CYP4A11: variants seen among roughly 807,000 people sequenced by gnomAD.
CYP4A11 encodes cytochrome P450 family 4 subfamily A member 11.
CYP4A11 carries 52 observed loss-of-function variants against 57.7 expected under a neutral mutation model. That is an observed-to-expected ratio of 0.90 (90% CI 0.72 to 1.14). CYP4A11 has a LOEUF of 1.14. Ranked by LOEUF, CYP4A11 falls within the 50% of genes most tolerant of loss-of-function variation. The pLI, the probability that CYP4A11 is intolerant of heterozygous loss-of-function variation, is 0.00. For synonymous variants in CYP4A11, 228 were observed against 247.1 expected, an observed-to-expected ratio of 0.92 and a Z score of 0.72; for missense variants, 641 against 642.1, an observed-to-expected ratio of 1.00 and a Z score of 0.02.
intron 11 of CYP4A11, 41 bp from the exon 12 acceptor site, chr1:46,930,351 G>A (rs1181876686): frequency 6.3e-7 from 1 of 1,577,916 alleles, no homozygotes; most frequent in Non-Finnish European, 8.6e-7. Context: ...GTGTCCTCAG[G>A]CCCCATTCTG....
rs189415732 is a variant in CYP4A11, at chr1:46,934,900, G to A, written c.790+100C>T. 4.0e-4 allele frequency: 607 copies of A among 1,535,508 alleles called. 2 individuals are homozygous for A. The African/African-American group carries it at 5.3e-3, about 13-fold the overall frequency. On this transcript the variant is annotated intron_variant, in intron 6 of 11. Coordinates refer to ENST00000310638, the MANE Select transcript of CYP4A11 (RefSeq NM_000778.4). ...ATTCCCCAGGCTGAGTGTGTTCTGC[G>A]TTCTGCAGGGTTACTAGGGGCCTTC...
rs763364483 is a variant in CYP4A11 at position 46,934,505 on chromosome 1, T to G, written c.845A>C (p.Lys282Thr). ...AQLQKEGELEKIKRKRHLDFL... is the reference protein window; with the variant it reads ...AQLQKEGELETIKRKRHLDFL... The stretch of plus-strand genomic sequence containing the variant: ...ATCCAAATGCCTCTTCCTCTTGATC[T>G]TCTCCAGCTCCCCCTCCTTCTGTAG... The change falls in exon 7 of 12, where the codon AAG (lysine) becomes ACG (threonine). Residue 282 changes from lysine to threonine, a missense_variant. By Grantham distance (78) the Lys-to-Thr change is moderately conservative. Coordinates refer to ENST00000310638, the MANE Select transcript of CYP4A11 (RefSeq NM_000778.4). The G allele has an allele frequency of 2.5e-6, 4 of 1,613,776 alleles. No homozygotes were observed. In the Admixed American group the frequency reaches 5.0e-5, roughly 20 times the overall value.
At chr1:46,933,380 C>T (rs767072899) in intron 9 of CYP4A11, among the ~76,000 whole-genome samples, 1 of 152,204 alleles carries the variant, frequency 6.6e-6, no homozygotes, top group African/African-American at 2.4e-5. Context: ...AACAACGCTC[C>T]AAGTAAGACA....
intron 9 of CYP4A11, 75 bp from the exon 10 acceptor site, chr1:46,933,122 C>G (rs534221398): frequency 6.3e-7 from 1 of 1,582,770 alleles, no homozygotes; most frequent in East Asian, 2.2e-5. Flanking sequence ...CCAGCAGGCA[C>G]AAAAGAAGGC....
intron 11 of CYP4A11, chr1:46,931,628 TC>T (rs1681034046): frequency 2.5e-5 from 17 of 682,148 alleles, no homozygotes; most frequent in Non-Finnish European, 3.1e-5. Context: ...TCTCCAGTTC[TC>T]TAGTGGCAGC....
Position 46,937,980 on chromosome 1 carries a change from G to A in CYP4A11, c.337+16C>T, listed in dbSNP as rs762579576. On this transcript the variant is annotated intron_variant, in intron 2 of 11. Coordinates refer to ENST00000310638, the MANE Select transcript of CYP4A11 (RefSeq NM_000778.4). ...AGGGAAGACACATTGCAGTTGGGATGGGGGTTCGATCTCACCTGATCTCCC... is the reference window on the plus strand; with the variant it reads ...AGGGAAGACACATTGCAGTTGGGATAGGGGTTCGATCTCACCTGATCTCCC... 2.5e-6 allele frequency: 4 copies of A among 1,613,580 alleles called. No individual in the cohort carries two copies. Among genetic ancestry groups the A allele is most frequent in the East Asian group, 2.2e-5 (1 of 44,876 alleles).
chr1:46,931,581 A>C (rs1681031139), intron 11 of CYP4A11: 1 of 708,340 alleles, frequency 1.4e-6, no homozygotes, highest in African/African-American at 1.9e-5. Flanking sequence ...CTGAGAGTAA[A>C]TATTAATTCT....
Position 46,941,405 on chromosome 1 carries a change from C to T in CYP4A11, c.29G>A (p.Arg10Lys). 1 of 1,614,156 alleles carries T rather than the reference C, an allele frequency of 6.2e-7. No homozygotes were observed. Among genetic ancestry groups the T allele is most frequent in the Non-Finnish European group, 8.5e-7 (1 of 1,180,010 alleles). MSVSVLSPS[R>K]LLGDVSGILQ... Reference sequence around the variant, plus strand: ...GATTCCAGAGACATCACCCAGGAGTCTGCTGGGGCTCAGCACAGAGACACT... The same window carrying T: ...GATTCCAGAGACATCACCCAGGAGTTTGCTGGGGCTCAGCACAGAGACACT... The change falls in exon 1 of 12, where the codon AGA becomes AAA. Residue 10 changes from arginine to lysine, a missense_variant. Arg to Lys is a conservative substitution (Grantham distance 26). Coordinates refer to ENST00000310638, the MANE Select transcript of CYP4A11 (RefSeq NM_000778.4).
Position 46,932,999 on chromosome 1 carries a change from A to G in CYP4A11, c.1271T>C (p.Val424Ala). The change falls in exon 10 of 12, where the codon GTG (valine) becomes GCG (alanine). Residue 424 changes from valine (V) to alanine (A), a missense_variant. Val to Ala is a moderately conservative substitution (Grantham distance 64). Coordinates refer to ENST00000310638, the MANE Select transcript of CYP4A11 (RefSeq NM_000778.4). ...ACCACATACCTCTGGGTTGGGCCAC[A>G]CTTTTGGGTTGTGGTGAAGGCCATA... The part of the protein sequence containing the change: ...SIYGLHHNPK[V>A]WPNPEVFDPF... The G allele has an allele frequency of 1.2e-6, 2 of 1,614,154 alleles. No homozygotes were observed. Among genetic ancestry groups the G allele is most frequent in the Non-Finnish European group, 1.7e-6 (2 of 1,180,026 alleles).
intron 2 of CYP4A11, 51 bp from the exon 3 acceptor site, chr1:46,937,397 A>C (rs745905526): frequency 6.3e-7 from 1 of 1,576,476 alleles, no homozygotes; most frequent in South Asian, 1.1e-5. Flanking sequence ...CTAAGAAGGC[A>C]GTCTTAGAGG....
intron 11 of CYP4A11, 50 bp from the exon 12 acceptor site, chr1:46,930,360 T>C (rs1465349484): frequency 1.3e-6 from 2 of 1,561,724 alleles, no homozygotes; most frequent in African/African-American, 2.7e-5. Flanking sequence ...GGCCCCATTC[T>C]GATCTGAGCA....
intron 9 of CYP4A11, 58 bp downstream of exon 9, chr1:46,933,888 C>A: frequency 3.8e-6 from 6 of 1,596,648 alleles, no homozygotes; most frequent in Non-Finnish European, 5.1e-6. Context: ...ACATGGATTT[C>A]TCACCCTCCA....
rs747413579 is a variant in CYP4A11, at chr1:46,935,167, A to G, written c.636-13T>C. ...GGACTGAGAATTCCTGAGGGAGAGT[A>G]TGAAGAAGGGACTGCAGTAGGGGTG... On this transcript the variant is annotated splice_polypyrimidine_tract_variant and intron_variant, in intron 5 of 11. Transcript: ENST00000310638. 8 of 1,612,116 alleles carry G rather than the reference A, an allele frequency of 5.0e-6. No individual in the cohort carries two copies.
rs28451040 is a variant in CYP4A11, at chr1:46,934,295, G to T, written c.969C>A (p.His323Gln). The change falls in exon 8 of 12, where the codon CAC (histidine) becomes CAA (glutamine). Residue 323 changes from histidine to glutamine, a missense_variant. By Grantham distance (24) the His-to-Gln change is conservative. Coordinates refer to ENST00000310638, the MANE Select transcript of CYP4A11 (RefSeq NM_000778.4). ...AEVDTFMFEGHDTTASGISWI... is the reference protein window; with the variant it reads ...AEVDTFMFEGQDTTASGISWI... ...AGGAGATCCCACTGGCTGTGGTGTC[G>T]TGGCCCTCAAACATGAACGTGTCCA... is the stretch of plus-strand genomic sequence containing the variant. The T allele has an allele frequency of 5.0e-6, 8 of 1,609,242 alleles. No homozygotes were observed. In the African/African-American group the frequency reaches 6.8e-5, roughly 14 times the overall value.
At chr1:46,933,183 C>T (rs1681138549) in intron 9 of CYP4A11, 136 bp from the exon 10 acceptor site, 1 of 1,302,252 alleles carries the variant, frequency 7.7e-7, no homozygotes, top group East Asian at 2.3e-5. Context: ...ATGATTCTGC[C>T]ATTATGCAGG....
chr1:46,936,709 C>G lies in CYP4A11; in HGVS notation c.465G>C (p.Leu155=). The G allele has an allele frequency of 6.2e-7, 1 of 1,613,762 alleles. No individual in the cohort carries two copies. Among genetic ancestry groups the G allele is most frequent in the Non-Finnish European group, 8.5e-7 (1 of 1,179,878 alleles). Residue 155 remains leucine, a synonymous_variant, in exon 4 of 12, where the codon CTG becomes CTC. Coordinates refer to ENST00000310638, the MANE Select transcript of CYP4A11 (RefSeq NM_000778.4). ...MLTPAFHYDI[L]KPYVGLMADS... ...CTGCCATGAGCCCCACATAGGGCTT[C>G]AGGATGTCATAGTGGAAGGCTGGGG... is the stretch of plus-strand genomic sequence containing the variant.
At chr1:46,933,896 C>A (rs373756186) in intron 9 of CYP4A11, 50 bp downstream of exon 9, 23 of 1,607,824 alleles carry the variant, frequency 1.4e-5, no homozygotes, top group Non-Finnish European at 1.9e-5. Context: ...TTCTCACCCT[C>A]CACACGTCCC....
intron 2 of CYP4A11, among the ~76,000 whole-genome samples, 170 bp from the exon 3 acceptor site, chr1:46,937,516 G>A (rs1416021551): frequency 2.0e-5 from 3 of 152,226 alleles, no homozygotes; most frequent in Admixed American, 6.5e-5. Context: ...GGCTCAGGAA[G>A]ACAGACTCAG....
At chr1:46,934,733 G>T (rs201079432) in intron 6 of CYP4A11, among the ~76,000 whole-genome samples, 174 bp from the exon 7 acceptor site, 1 of 152,058 alleles carries the variant, frequency 6.6e-6, no homozygotes, top group Non-Finnish European at 1.5e-5. Flanking sequence ...CACCCCTCCC[G>T]CCAGTGGCAC....
Sources: allele counts gnomAD v4.1 joint callset (sites outside exome capture counted in the v4.1 genomes callset), GRCh38; gene constraint gnomAD v4.1.1; transcripts MANE v1.5; gene names NCBI Gene and HGNC (gene_info 2026-07-23, HGNC 2026-07-21).